The following SRCAP variants were observed in gnomAD, a reference collection of about 807,000 sequenced individuals.
SRCAP encodes chromatin remodeling protein SRCAP.
Under a neutral mutation model 263.1 loss-of-function variants are expected in SRCAP, and 46 were observed. That is an observed-to-expected ratio of 0.17 (90% CI 0.14 to 0.22). SRCAP has a LOEUF of 0.22. SRCAP is among the 10% of genes least tolerant of loss of function. SRCAP has a pLI of 1.00. For synonymous variants in SRCAP, 1,813 were observed against 1,662.1 expected (o/e 1.09, Z -2.21); for missense variants, 3,695 against 4,181.9 (o/e 0.88, Z 3.21).
At chr16:30,700,471 C>T (rs865892849) in intron 2 of SRCAP, 145 bp from the exon 3 acceptor site, 11 of 213,106 alleles carry the variant, frequency 5.2e-5, no homozygotes, top group African/African-American at 2.3e-4. Flanking sequence ...CTAAAAGTAT[C>T]TTATACATAG....
Position 30,706,116 on chromosome 16 carries a change from C to CT in SRCAP, c.307-1066dup, listed in dbSNP as rs2052824818. Among the ~76,000 whole-genome samples the CT allele has an allele frequency of 2.0e-5, 3 of 152,268 alleles. No homozygotes were observed. In the South Asian group the frequency reaches 6.2e-4, roughly 32 times the overall value. On this transcript the variant is annotated intron_variant, in intron 4 of 33. Transcript: ENST00000262518. ...CAGGCCATTTAGTCCTGTCTGGTCTCTGGCTGTCATTTTCTCTGATTTAGT... is the reference window on the plus strand; with the variant it reads ...CAGGCCATTTAGTCCTGTCTGGTCTCTTGGCTGTCATTTTCTCTGATTTAGT...
At chr16:30,710,188 T>G in intron 8 of SRCAP, 60 bp downstream of exon 8, 2 of 1,551,736 alleles carry the variant, frequency 1.3e-6, no homozygotes, top group Non-Finnish European at 1.7e-6. Flanking sequence ...AGGTTCAGGG[T>G]CTGAGTTCCG....
chr16:30,709,050 C>G (rs867959684), intron 6 of SRCAP, among the ~76,000 whole-genome samples: 10 of 152,156 alleles, frequency 6.6e-5, no homozygotes, highest in Non-Finnish European at 1.3e-4. Flanking sequence ...AACTCCTGAC[C>G]TCACGTGATC....
chr16:30,734,539 C>T lies in SRCAP; in HGVS notation c.6653C>T (p.Ser2218Phe), dbSNP rs200230255. 4 of 1,613,960 alleles carry T rather than the reference C, an allele frequency of 2.5e-6. No homozygotes were observed. In the East Asian group the frequency reaches 6.7e-5, roughly 27 times the overall value. The part of the protein sequence containing the change: ...ELFDMPLEEP[S>F]SSSVPSAPEE... ...TTTGATATGCCCCTGGAGGAACCTT[C>T]TAGCTCATCCGTGCCCTCTGCCCCT... Residue 2218 changes from serine to phenylalanine, a missense_variant, in exon 31 of 34, where the codon TCT becomes TTT. This residue lies in a region of SRCAP where 53 missense variants were observed against 45.6 expected (regional missense o/e 1.16). Coordinates refer to ENST00000262518, the MANE Select transcript of SRCAP (RefSeq NM_006662.3).
At chr16:30,707,919 G>A (rs1350452511) in intron 6 of SRCAP, among the ~76,000 whole-genome samples, 3 of 152,166 alleles carry the variant, frequency 2.0e-5, no homozygotes, top group African/African-American at 7.2e-5. Flanking sequence ...ACACCTCTAG[G>A]CCATCTGTCC....
chr16:30,718,475 CT>C (rs770730538), intron 18 of SRCAP, among the ~76,000 whole-genome samples: 4,923 of 134,580 alleles, frequency 0.037, 189 homozygotes, highest in African/African-American at 0.11. Context: ...CTGTGCCTGG[CT>C]TTTTTTTTTT....
intron 18 of SRCAP, among the ~76,000 whole-genome samples, chr16:30,716,717 G>A (rs952329903): frequency 3.9e-5 from 6 of 152,304 alleles, no homozygotes; most frequent in African/African-American, 1.4e-4. Flanking sequence ...TCTGGACTTA[G>A]AATGATTCAG....
rs142391779 is a variant in SRCAP at position 30,709,647 on chromosome 16, C to T, written c.768C>T (p.Thr256=). The T allele has an allele frequency of 1.2e-5, 20 of 1,614,064 alleles. No homozygotes were observed. In the African/African-American group the frequency reaches 2.4e-4, roughly 19 times the overall value. Residue 256 remains threonine (T), a synonymous_variant, in exon 7 of 34, where the codon ACC becomes ACT. Coordinates refer to ENST00000262518, the MANE Select transcript of SRCAP (RefSeq NM_006662.3). The part of the protein sequence containing the change: ...LLSQSLNQPL[T]SSKAGSSPCL... ...CTCAGAGCCTCAACCAGCCATTAAC[C>T]TCCAGCAAAGCAGGCTCTTCCCCTT...
chr16:30,703,414 A>C (rs1007007048), intron 3 of SRCAP, among the ~76,000 whole-genome samples: 2 of 150,324 alleles, frequency 1.3e-5, no homozygotes, highest in Non-Finnish European at 3.0e-5. Context: ...GGTTGGTCTC[A>C]AACTCCTGAC....
intron 6 of SRCAP, among the ~76,000 whole-genome samples, chr16:30,708,511 A>G (rs1018239204): frequency 6.7e-6 from 1 of 149,106 alleles, no homozygotes; most frequent in Non-Finnish European, 1.5e-5. Context: ...CTCCTGCCTC[A>G]GGCTCTGGAG....
At chr16:30,707,840 T>G in intron 6 of SRCAP, 128 bp downstream of exon 6, 1 of 1,256,856 alleles carries the variant, frequency 8.0e-7, no homozygotes, top group Non-Finnish European at 1.1e-6. Context: ...ACGTTTATGT[T>G]GTATGGATAA....
rs751791785 is a variant in SRCAP, at chr16:30,738,689, C to T, written c.8649C>T (p.Ser2883=). The change falls in exon 34 of 34, where the codon TCC becomes TCT. Residue 2883 remains serine, a synonymous_variant. Transcript: ENST00000262518. The part of the protein sequence containing the change: ...AGRGVDEAPS[S]TLKGKTNGAD... ...GAGGTGTGGATGAGGCACCCTCATC[C>T]ACCTTGAAGGGAAAAACCAATGGGG... 1 of 1,613,952 alleles carries T rather than the reference C, an allele frequency of 6.2e-7. No individual in the cohort carries two copies. Among genetic ancestry groups the T allele is most frequent in the Non-Finnish European group, 8.5e-7 (1 of 1,179,948 alleles).
At chr16:30,704,356 C>T (rs200775327) in intron 4 of SRCAP, 41 bp downstream of exon 4, 6 of 1,539,520 alleles carry the variant, frequency 3.9e-6, no homozygotes, top group South Asian at 1.2e-5. Flanking sequence ...TGGGAGTTAT[C>T]TTCCGTAAAC....
chr16:30,726,374 A>T (rs1293632261), intron 25 of SRCAP: 1 of 152,234 alleles, frequency 6.6e-6, no homozygotes, highest in African/African-American at 2.4e-5. Flanking sequence ...TCTGTTAGAT[A>T]CATACTGAGG....
At position 30,740,597 on chromosome 16, in the gene SRCAP, A is replaced by T. The variant is rs140828389; in HGVS notation, c.*864A>T. ...TCTTCACGTGGTGGCTGGCCACTCA[A>T]CCCCACCCCTGGGCTTGGCTTGGAG... is the stretch of plus-strand genomic sequence containing the variant. On this transcript the variant is annotated 3_prime_UTR_variant, in exon 34 of 34. Coordinates refer to ENST00000262518, the MANE Select transcript of SRCAP (RefSeq NM_006662.3). 6.6e-6 allele frequency: 1 copy of T among 150,820 alleles called. No homozygotes were observed. The highest frequency in any genetic ancestry group is 1.5e-5 in the Non-Finnish European group (1 of 67,766). 9.3% of individuals were successfully genotyped at this position (150,820 alleles called of 1,614,324 possible).
chr16:30,730,729 C>CT (rs35555704), intron 27 of SRCAP, among the ~76,000 whole-genome samples: 4,658 of 134,452 alleles, frequency 0.035, 218 homozygotes, highest in African/African-American at 0.12. Context: ...TGCGCCCAGC[C>CT]TTTTTTTTTT....
At chr16:30,710,532 G>C (rs2052876610) in intron 8 of SRCAP, 4 of 758,966 alleles carry the variant, frequency 5.3e-6, no homozygotes, top group African/African-American at 1.7e-5. Flanking sequence ...GCCTTTATTT[G>C]TTACCTGGCA....
Position 30,738,055 on chromosome 16 carries a change from G to A in SRCAP, c.8015G>A (p.Arg2672Lys). Residue 2672 changes from arginine (R) to lysine (K), a missense_variant, in exon 34 of 34, where the codon AGG becomes AAG. Physicochemically the swap from Arg to Lys is conservative, Grantham distance 26 (BLOSUM62 2). Transcript: ENST00000262518. ...CTTCAGGAGCCACTGGAGGCTGACA[G>A]GACCTCGGAAGAGCTGACAGAGGCC... ...EPLQEPLEAD[R>K]TSEELTEAKT... 6.2e-7 allele frequency: 1 copy of A among 1,614,178 alleles called. No individual in the cohort carries two copies. Among genetic ancestry groups the A allele is most frequent in the East Asian group, 2.2e-5 (1 of 44,888 alleles).
At chr16:30,722,455 C>G (rs1596654774) in intron 22 of SRCAP, 108 bp from the exon 23 acceptor site, 5 of 1,498,290 alleles carry the variant, frequency 3.3e-6, no homozygotes, top group East Asian at 4.6e-5. Context: ...AGAGGTCATT[C>G]TAGAGAATGT....
Sources: gnomAD v4.1 joint callset for allele counts (sites outside exome capture counted in the v4.1 genomes callset) on GRCh38, gnomAD v4.1.1 for gene constraint, gnomAD v4.1.1 regional missense constraint, MANE v1.5 for transcripts, NCBI Gene and HGNC (gene_info 2026-07-23, HGNC 2026-07-21) for gene names.